The following UBAP2 variants were observed in gnomAD, a reference collection of about 807,000 sequenced individuals.
UBAP2 encodes the protein ubiquitin associated protein 2.
A neutral mutation model predicts 139.6 loss-of-function variants in UBAP2; 75 were observed. The observed-to-expected ratio is 0.54, with a 90% confidence interval of 0.45 to 0.65. The LOEUF (loss-of-function observed/expected upper bound fraction) is 0.65. Among genes scored for constraint, UBAP2 ranks in the 30% least tolerant of loss-of-function variants. The probability of loss-of-function intolerance (pLI) is 0.00; values close to 1 mark genes in which losing one functional copy is unlikely to be tolerated. For synonymous variants in UBAP2, 526 were observed against 526.2 expected, an observed-to-expected ratio of 1.00 and a Z score of 0.01; for missense variants, 1,368 against 1,369.6, an observed-to-expected ratio of 1.00 and a Z score of 0.02.
rs1481178577 is a variant in UBAP2 at position 33,922,894 on chromosome 9, G to A, written c.3073-16C>T. The A allele has an allele frequency of 9.3e-6, 15 of 1,610,916 alleles. No individual in the cohort carries two copies. Among genetic ancestry groups the A allele is most frequent in the East Asian group, 4.5e-5 (2 of 44,834 alleles). On this transcript the variant is annotated splice_polypyrimidine_tract_variant and intron_variant, in intron 27 of 28. Coordinates refer to ENST00000379238, the MANE Select transcript of UBAP2 (RefSeq NM_001370062.2). ...TGTCAAAAGTCTACAGGGCAAAGAA[G>A]ACAATGGTGAAGGTCAGGTTGGGCT...
At chr9:34,011,642 G>A in intron 2 of UBAP2, 1 of 987,452 alleles carries the variant, frequency 1.0e-6, no homozygotes, top group Non-Finnish European at 1.2e-6. Context: ...TGAGCTCTAG[G>A]AAGTGTCAAG....
intron 17 of UBAP2, 21 bp from the exon 18 acceptor site, chr9:33,933,649 G>T (rs1280882390): frequency 1.2e-6 from 2 of 1,612,504 alleles, no homozygotes; most frequent in East Asian, 4.5e-5. Context: ...TGAAGTAGCT[G>T]TAAGAAGCAG....
intron 9 of UBAP2, among the ~76,000 whole-genome samples, chr9:33,962,073 A>G (rs1277003881): frequency 6.6e-6 from 1 of 152,180 alleles, no homozygotes; most frequent in African/African-American, 2.4e-5. Context: ...AAGTTAATGA[A>G]AGCCAGAATT....
At chr9:33,983,203 T>C (rs1820923149) in intron 6 of UBAP2, among the ~76,000 whole-genome samples, 1 of 152,166 alleles carries the variant, frequency 6.6e-6, no homozygotes, top group South Asian at 2.1e-4. Context: ...TTTATAACAA[T>C]AAATCTGTCT....
At chr9:33,992,911 T>C (rs1821844669) in intron 4 of UBAP2, among the ~76,000 whole-genome samples, 1 of 152,164 alleles carries the variant, frequency 6.6e-6, no homozygotes, top group South Asian at 2.1e-4. Flanking sequence ...AGCCACCACA[T>C]AATAATCAGA....
In UBAP2 at chr9:33,935,828, G is replaced by T; in HGVS notation, c.1969+11C>A. 1 of 1,614,060 alleles carries T rather than the reference G, an allele frequency of 6.2e-7. No homozygotes were observed. Among genetic ancestry groups the T allele is most frequent in the Non-Finnish European group, 8.5e-7 (1 of 1,179,974 alleles). On this transcript the variant is annotated intron_variant, in intron 17 of 28. Transcript: ENST00000379238. ...CCAGCCATGACAAGAGTAGCTTGCT[G>T]CTATACTTACTGTCTAGTGTCTGCT...
chr9:33,961,747 G>A (rs964525863), intron 9 of UBAP2, among the ~76,000 whole-genome samples: 2 of 152,328 alleles, frequency 1.3e-5, no homozygotes, highest in African/African-American at 4.8e-5. Flanking sequence ...TCCAAAAGTT[G>A]TGTATGGAGA....
chr9:33,965,903 G>C (rs1827409974), intron 8 of UBAP2, among the ~76,000 whole-genome samples: 1 of 152,036 alleles, frequency 6.6e-6, no homozygotes, highest in South Asian at 2.1e-4. Flanking sequence ...AAAAAAATTA[G>C]CCAGGTGTGG....
At chr9:34,007,149 T>G (rs1485063557) in intron 2 of UBAP2, among the ~76,000 whole-genome samples, 1 of 152,196 alleles carries the variant, frequency 6.6e-6, no homozygotes, top group African/African-American at 2.4e-5. Context: ...CTTTGCAATC[T>G]AGACCCCTTT....
chr9:33,935,844 A>C lies in UBAP2; in HGVS notation c.1964T>G (p.Leu655Arg), dbSNP rs1009400912. ...TAGCTTGCTGCTATACTTACTGTCTAGTGTCTGCTGACTTCGACCACCACC... is the reference window on the plus strand; with the variant it reads ...TAGCTTGCTGCTATACTTACTGTCTCGTGTCTGCTGACTTCGACCACCACC... The part of the protein sequence containing the change: ...GHGGGRSQQT[L>R]DTPKTTGPPS... The change falls in exon 17 of 29, where the codon CTA (leucine) becomes CGA (arginine). Residue 655 changes from leucine (L) to arginine (R), a missense_variant. Coordinates refer to ENST00000379238, the MANE Select transcript of UBAP2 (RefSeq NM_001370062.2). 2 of 1,613,834 alleles carry C rather than the reference A, an allele frequency of 1.2e-6. No homozygotes were observed. Among genetic ancestry groups the C allele is most frequent in the Non-Finnish European group, 1.7e-6 (2 of 1,179,992 alleles).
At chr9:33,980,571 A>G (rs1005034545) in intron 6 of UBAP2, among the ~76,000 whole-genome samples, 2 of 151,992 alleles carry the variant, frequency 1.3e-5, no homozygotes, top group African/African-American at 4.8e-5. Context: ...AACACACTCA[A>G]CTACAGCAAA....
At chr9:33,996,433 T>C (rs900083799) in intron 3 of UBAP2, 100 bp from the exon 4 acceptor site, 2 of 792,928 alleles carry the variant, frequency 2.5e-6, no homozygotes, top group Non-Finnish European at 4.2e-6. Flanking sequence ...TCCTTCTACA[T>C]GAAGATGGCC....
At chr9:34,012,981 C>T (rs763019991) in intron 2 of UBAP2, among the ~76,000 whole-genome samples, 2 of 151,026 alleles carry the variant, frequency 1.3e-5, no homozygotes, top group Middle Eastern at 3.4e-3. Context: ...ATGGTGAAAC[C>T]CCTCTCTACT....
At chr9:33,965,948 G>A (rs901019539) in intron 8 of UBAP2, among the ~76,000 whole-genome samples, 4 of 152,020 alleles carry the variant, frequency 2.6e-5, no homozygotes, top group Non-Finnish European at 5.9e-5. Context: ...ACTTGGGGAG[G>A]CTGAGGCAGG....
chr9:34,038,890 C>G (rs1001719729), intron 1 of UBAP2, among the ~76,000 whole-genome samples: 2 of 143,538 alleles, frequency 1.4e-5, no homozygotes, highest in African/African-American at 2.5e-5. Context: ...CGCCTCTGCC[C>G]CGCCACCCCG....
chr9:33,988,020 T>C (rs897854108), intron 5 of UBAP2, among the ~76,000 whole-genome samples: 1 of 152,206 alleles, frequency 6.6e-6, no homozygotes, highest in Non-Finnish European at 1.5e-5. Context: ...CTCACCTCTT[T>C]CAGAGGCTGA....
chr9:33,996,456 T>C (rs1242476384), intron 3 of UBAP2, 123 bp from the exon 4 acceptor site: 4 of 658,778 alleles, frequency 6.1e-6, no homozygotes, highest in South Asian at 2.0e-5. Flanking sequence ...TTCTAGACTC[T>C]TGAGTTTACA....
intron 1 of UBAP2, among the ~76,000 whole-genome samples, chr9:34,036,642 T>C (rs1302768689): frequency 6.6e-6 from 1 of 152,168 alleles, no homozygotes; most frequent in Non-Finnish European, 1.5e-5. Flanking sequence ...TTCTAGCATC[T>C]AACATTGTTG....
intron 5 of UBAP2, among the ~76,000 whole-genome samples, chr9:33,987,448 A>C (rs1821318519): frequency 6.6e-6 from 1 of 151,952 alleles, no homozygotes; most frequent in African/African-American, 2.4e-5. Context: ...AAAAAATACA[A>C]AAATTATCCA....
Sources: allele counts gnomAD v4.1 joint callset (sites outside exome capture counted in the v4.1 genomes callset), GRCh38; gene constraint gnomAD v4.1.1; transcripts MANE v1.5; gene names NCBI Gene and HGNC (gene_info 2026-07-23, HGNC 2026-07-21).